SH3BP5: variants seen among roughly 807,000 people sequenced by gnomAD.
The protein encoded by SH3BP5 is SH3 domain-binding protein 5.
SH3BP5 carries 22 observed loss-of-function variants against 43.3 expected under a neutral mutation model. That is an observed-to-expected ratio of 0.51 (90% CI 0.36 to 0.73). SH3BP5 has a LOEUF of 0.73. Among genes scored for constraint, SH3BP5 ranks in the 30% least tolerant of loss-of-function variants. SH3BP5 has a pLI of 0.00. For missense variants in SH3BP5, 529 were observed against 586.9 expected, an observed-to-expected ratio of 0.90 and a Z score of 1.02; for synonymous variants, 255 against 225.8, an observed-to-expected ratio of 1.13 and a Z score of -1.16.
At chr3:15,282,437 C>T (rs1031846626) in intron 3 of SH3BP5, among the ~76,000 whole-genome samples, 1 of 152,040 alleles carries the variant, frequency 6.6e-6, no homozygotes, top group African/African-American at 2.4e-5. Context: ...TACAAAATTG[C>T]TTCTCAATAC....
chr3:15,325,547 C>T (rs1422221662), intron 2 of SH3BP5, among the ~76,000 whole-genome samples: 2 of 152,232 alleles, frequency 1.3e-5, no homozygotes, highest in Non-Finnish European at 2.9e-5. Flanking sequence ...AGCTCTTTGC[C>T]TCCTTTGTAT....
chr3:15,293,436 G>A (rs554364358), intron 3 of SH3BP5, among the ~76,000 whole-genome samples: 48 of 152,352 alleles, frequency 3.2e-4, no homozygotes, highest in Admixed American at 1.2e-3. Context: ...GTCCTAGCAG[G>A]AACAGGGCAC....
rs552372154 is a variant in SH3BP5 at position 15,304,947 on chromosome 3, G to A, written c.202-716C>T. On this transcript the variant is annotated intron_variant, in intron 2 of 8. Transcript: ENST00000383791. ...GATGGACCCTTTGGAAATTAAGCCC[G>A]TCTCTACTAAAAATACAAAAATTAG... is the stretch of plus-strand genomic sequence containing the variant. Among the ~76,000 whole-genome samples, 12 of 151,264 alleles carry A rather than the reference G, an allele frequency of 7.9e-5. No individual in the cohort carries two copies. The South Asian group carries it at 1.5e-3, about 18-fold the overall frequency.
intron 2 of SH3BP5, among the ~76,000 whole-genome samples, chr3:15,313,016 G>A (rs1343763263): frequency 6.6e-6 from 1 of 152,184 alleles, no homozygotes; most frequent in African/African-American, 2.4e-5. Context: ...GGCCAAGGCG[G>A]GTGGATCACC....
chr3:15,289,088 T>A (rs1035839904), intron 3 of SH3BP5, among the ~76,000 whole-genome samples: 5 of 152,240 alleles, frequency 3.3e-5, no homozygotes, highest in Admixed American at 3.3e-4. Flanking sequence ...TTATGCCTGC[T>A]CTGTGGGTAA....
chr3:15,299,512 G>A (rs1395475633), intron 3 of SH3BP5, among the ~76,000 whole-genome samples: 1 of 25,446 alleles, frequency 3.9e-5, no homozygotes, highest in Non-Finnish European at 9.5e-5. Flanking sequence ...TTTTTTTTTT[G>A]AGTCAGGGTC....
At chr3:15,282,076 G>A (rs1169821999) in intron 3 of SH3BP5, among the ~76,000 whole-genome samples, 2 of 152,128 alleles carry the variant, frequency 1.3e-5, no homozygotes, top group Admixed American at 1.3e-4. Context: ...GGACAATTGA[G>A]CCACTATGAG....
chr3:15,324,014 C>A (rs1216593273), intron 2 of SH3BP5, among the ~76,000 whole-genome samples: 1 of 152,204 alleles, frequency 6.6e-6, no homozygotes, highest in East Asian at 1.9e-4. Context: ...AACTTCAAGT[C>A]AGAGCTATGG....
chr3:15,323,655 G>T (rs1698390965), intron 2 of SH3BP5, among the ~76,000 whole-genome samples: 1 of 152,162 alleles, frequency 6.6e-6, no homozygotes, highest in African/African-American at 2.4e-5. Context: ...ATTTCAGCCT[G>T]TATCACCTGA....
intron 3 of SH3BP5, among the ~76,000 whole-genome samples, chr3:15,303,517 G>A (rs1697809363): frequency 1.3e-5 from 2 of 152,026 alleles, no homozygotes; most frequent in Non-Finnish European, 2.9e-5. Context: ...TTTCCACGCA[G>A]CCCCCAGCAA....
intron 3 of SH3BP5, among the ~76,000 whole-genome samples, chr3:15,279,078 T>G (rs1186863026): frequency 6.6e-6 from 1 of 151,934 alleles, no homozygotes; most frequent in Non-Finnish European, 1.5e-5. Flanking sequence ...GCTGAGGCAG[T>G]AGAATCATTG....
intron 2 of SH3BP5, among the ~76,000 whole-genome samples, chr3:15,322,387 G>A (rs2125135969): frequency 6.6e-6 from 1 of 152,012 alleles, no homozygotes; most frequent in South Asian, 2.1e-4. Flanking sequence ...TAAAGTGAAA[G>A]GCCACTCTTA....
At chr3:15,292,263 C>G (rs1697433532) in intron 3 of SH3BP5, among the ~76,000 whole-genome samples, 1 of 152,222 alleles carries the variant, frequency 6.6e-6, no homozygotes, top group African/African-American at 2.4e-5. Context: ...CACCCTGTTT[C>G]CCCTCTAACC....
upstream of SH3BP5, among the ~76,000 whole-genome samples, chr3:15,337,021 G>T (rs1294694867): frequency 2.0e-5 from 3 of 150,844 alleles, no homozygotes; most frequent in Non-Finnish European, 4.4e-5. Context: ...CTAAGCTAAA[G>T]TGCTGGAATT....
At chr3:15,258,752 C>G in intron 7 of SH3BP5, 79 bp downstream of exon 7, 1 of 1,295,426 alleles carries the variant, frequency 7.7e-7, no homozygotes, top group Non-Finnish European at 1.1e-6. Context: ...TCACTGATGG[C>G]CAGAGAAAGT....
intron 2 of SH3BP5, among the ~76,000 whole-genome samples, chr3:15,316,247 C>T (rs1390974891): frequency 3.4e-5 from 3 of 89,186 alleles, no homozygotes; most frequent in Non-Finnish European, 6.0e-5. Context: ...TTTTTTGAGA[C>T]GGAGTCTCGC....
intron 3 of SH3BP5, among the ~76,000 whole-genome samples, chr3:15,287,941 G>T (rs1697310328): frequency 6.6e-6 from 1 of 152,194 alleles, no homozygotes; most frequent in African/African-American, 2.4e-5. Flanking sequence ...TTCTGTACTA[G>T]CCAGGGTTCT....
chr3:15,283,801 C>A (rs1235234693), intron 3 of SH3BP5, among the ~76,000 whole-genome samples: 1 of 152,196 alleles, frequency 6.6e-6, no homozygotes, highest in Non-Finnish European at 1.5e-5. Context: ...TGTCCCTCCC[C>A]ACAACTCCAC....
At chr3:15,318,276 G>A (rs1437479480) in intron 2 of SH3BP5, among the ~76,000 whole-genome samples, 1 of 152,072 alleles carries the variant, frequency 6.6e-6, no homozygotes, top group Non-Finnish European at 1.5e-5. Flanking sequence ...AACATTTGTT[G>A]GACATATATG....
Sources: allele counts gnomAD v4.1 joint callset (sites outside exome capture counted in the v4.1 genomes callset), GRCh38; gene constraint gnomAD v4.1.1; transcripts MANE v1.5; gene names NCBI Gene and HGNC (gene_info 2026-07-23, HGNC 2026-07-21).